Variants in ARHGAP22 observed in about 807,000 individuals in gnomAD.
ARHGAP22 encodes rho GTPase-activating protein 22.
Under a neutral mutation model 59.1 loss-of-function variants are expected in ARHGAP22, and 48 were observed. The ratio of observed to expected loss-of-function variants is 0.81; its 90% CI spans 0.64 to 1.03. The LOEUF (loss-of-function observed/expected upper bound fraction) is 1.03, where lower values mean the gene tolerates loss of function less well. Ranked by LOEUF, ARHGAP22 falls within the 50% of genes least tolerant of loss-of-function variation. The probability of loss-of-function intolerance (pLI) is 0.00; values close to 1 mark genes in which losing one functional copy is unlikely to be tolerated. For missense variants in ARHGAP22, 1,015 were observed against 958.7 expected (o/e 1.06, Z -0.78); for synonymous variants, 445 against 416.4 (o/e 1.07, Z -0.84).
chr10:48,493,368 G>A, intron 3 of ARHGAP22: 1 of 1,433,764 alleles, frequency 7.0e-7, no homozygotes, highest in Admixed American at 2.0e-5. Flanking sequence ...TCCCTTTCAA[G>A]GGTTAATCGC....
At chr10:48,535,173 AC>A (rs1298441078) in intron 3 of ARHGAP22, among the ~76,000 whole-genome samples, 1 of 152,232 alleles carries the variant, frequency 6.6e-6, no homozygotes, top group East Asian at 1.9e-4. Flanking sequence ...TGACACAACA[AC>A]CCTGAGAATG....
chr10:48,493,632 A>G lies in ARHGAP22; in HGVS notation c.323-13868T>C, dbSNP rs539619397. ...CTGCCTGTGTGCTCTGCCTGTGGGCATCAGGCTGAGGCCTTTTGTCTCTCC... is the reference window on the plus strand; with the variant it reads ...CTGCCTGTGTGCTCTGCCTGTGGGCGTCAGGCTGAGGCCTTTTGTCTCTCC... On this transcript the variant is annotated intron_variant, in intron 3 of 9. Transcript: ENST00000249601. 12 of 1,440,540 alleles carry G rather than the reference A, an allele frequency of 8.3e-6. No individual in the cohort carries two copies. In the East Asian group the frequency reaches 2.8e-4, roughly 34 times the overall value. The allele number at this position is 1,440,540 out of a possible 1,614,324, so 89.2% of individuals were successfully genotyped here.
chr10:48,573,212 G>T (rs1016624349), intron 2 of ARHGAP22, among the ~76,000 whole-genome samples: 34 of 152,180 alleles, frequency 2.2e-4, no homozygotes, highest in Admixed American at 9.2e-4. Flanking sequence ...ATAGGGTAAA[G>T]TTCCACCCAG....
chr10:48,454,835 C>T (rs938932564), intron 6 of ARHGAP22, among the ~76,000 whole-genome samples, 167 bp downstream of exon 6: 1 of 152,006 alleles, frequency 6.6e-6, no homozygotes, highest in African/African-American at 2.4e-5. Flanking sequence ...GGCCCCTCCC[C>T]CACCCAAGCA....
At chr10:48,626,287 T>G (rs1027983772) in intron 1 of ARHGAP22, among the ~76,000 whole-genome samples, 3 of 152,140 alleles carry the variant, frequency 2.0e-5, no homozygotes, top group Non-Finnish European at 2.9e-5. Context: ...TGGAGAGGTG[T>G]TGTCAAGAAA....
chr10:48,524,080 A>G (rs1158802127), intron 3 of ARHGAP22: 16 of 1,473,944 alleles, frequency 1.1e-5, no homozygotes, highest in Non-Finnish European at 1.3e-5. Context: ...TGTCCCCTCC[A>G]GTCCTTGCAG....
intron 1 of ARHGAP22, among the ~76,000 whole-genome samples, chr10:48,631,036 A>G (rs552030803): frequency 1.1e-4 from 17 of 152,324 alleles, no homozygotes; most frequent in African/African-American, 3.8e-4. Context: ...TCATATGATC[A>G]TATGATTTTT....
chr10:48,600,507 T>G (rs1412735119), intron 1 of ARHGAP22, among the ~76,000 whole-genome samples: 1 of 151,778 alleles, frequency 6.6e-6, no homozygotes, highest in African/African-American at 2.4e-5. Context: ...TAAGAAAATG[T>G]TAAAAATTTT....
intron 2 of ARHGAP22, among the ~76,000 whole-genome samples, chr10:48,564,944 G>T (rs2057953811): frequency 6.6e-6 from 1 of 152,142 alleles, no homozygotes; most frequent in Admixed American, 6.5e-5. Flanking sequence ...CAGAACACCG[G>T]ATGGTCTGGA....
chr10:48,443,498 T>A (rs1245124856), downstream of ARHGAP22, among the ~76,000 whole-genome samples: 2 of 151,794 alleles, frequency 1.3e-5, no homozygotes, highest in Admixed American at 1.3e-4. Context: ...GTAGTAGCAA[T>A]GTGGCTGGTA....
chr10:48,466,533 C>T (rs1214044262), intron 4 of ARHGAP22: 4 of 149,650 alleles, frequency 2.7e-5, no homozygotes, highest in African/African-American at 9.7e-5. Flanking sequence ...GACGCAGCTT[C>T]TCTGGCGGGC....
At chr10:48,548,156 A>G (rs1426349944) in intron 3 of ARHGAP22, among the ~76,000 whole-genome samples, 3 of 152,156 alleles carry the variant, frequency 2.0e-5, no homozygotes, top group Non-Finnish European at 4.4e-5. Flanking sequence ...CAACCTTCCC[A>G]GCACAGAGTA....
At chr10:48,607,660 T>C (rs950157380), upstream of ARHGAP22, among the ~76,000 whole-genome samples, 1 of 152,208 alleles carries the variant, frequency 6.6e-6, no homozygotes, top group Non-Finnish European at 1.5e-5. Context: ...TTCTCACTTA[T>C]AAGTGGGACA....
At chr10:48,523,356 A>G (rs754750581) in intron 3 of ARHGAP22, among the ~76,000 whole-genome samples, 4 of 152,170 alleles carry the variant, frequency 2.6e-5, no homozygotes, top group Non-Finnish European at 5.9e-5. Context: ...ATGCACCACT[A>G]TGTTCCCAAC....
chr10:48,519,455 C>T (rs1027579438), intron 3 of ARHGAP22, among the ~76,000 whole-genome samples: 1 of 152,248 alleles, frequency 6.6e-6, no homozygotes, highest in Admixed American at 6.5e-5. Flanking sequence ...AGTGGACTGC[C>T]ACTGGGATCT....
intron 1 of ARHGAP22, among the ~76,000 whole-genome samples, chr10:48,586,877 G>C (rs10491036): frequency 0.076 from 11,608 of 152,224 alleles, 484 homozygotes; most frequent in Middle Eastern, 0.11. Context: ...TACAATCCTG[G>C]AGTCCTGGAG....
chr10:48,451,017 C>A lies in ARHGAP22; in HGVS notation c.1112G>T (p.Gly371Val), dbSNP rs755622908. The A allele has an allele frequency of 2.6e-6, 4 of 1,554,984 alleles. No homozygotes were observed. Among genetic ancestry groups the A allele is most frequent in the Non-Finnish European group, 3.5e-6 (4 of 1,149,546 alleles). ...RGGLQCAVGWGSEEVTRDSQG... is the reference protein window; with the variant it reads ...RGGLQCAVGWVSEEVTRDSQG... ...GCTGTCCCTGGTGACCTCCTCGGAG[C>A]CCCACCCCACTGCGCATTGCAGGCC... Residue 371 changes from glycine to valine, a missense_variant, in exon 9 of 10, where the codon GGC becomes GTC. Gly to Val is a moderately radical substitution (Grantham distance 109). Coordinates refer to ENST00000249601, the MANE Select transcript of ARHGAP22 (RefSeq NM_021226.4).
intron 1 of ARHGAP22, 63 bp downstream of exon 1, chr10:48,604,700 T>A (rs1219522106): frequency 3.1e-6 from 5 of 1,613,522 alleles, no homozygotes; most frequent in Non-Finnish European, 4.2e-6. Context: ...TGGCCAAGTG[T>A]CCGCGCACGT....
chr10:48,480,491 T>C (rs2049186988), intron 3 of ARHGAP22, among the ~76,000 whole-genome samples: 1 of 152,220 alleles, frequency 6.6e-6, no homozygotes, highest in Non-Finnish European at 1.5e-5. Flanking sequence ...GAGTTTGTCT[T>C]TATACATCCT....
Sources: allele counts gnomAD v4.1 joint callset (sites outside exome capture counted in the v4.1 genomes callset), GRCh38; gene constraint gnomAD v4.1.1; transcripts MANE v1.5; gene names NCBI Gene and HGNC (gene_info 2026-07-23, HGNC 2026-07-21).